The following CKB variants were observed in gnomAD, a reference collection of about 807,000 sequenced individuals.
CKB encodes the protein creatine kinase B-type.
CKB carries 15 observed loss-of-function variants against 36.9 expected under a neutral mutation model. The observed-to-expected ratio is 0.41, with a 90% CI of 0.27 to 0.63. The LOEUF (loss-of-function observed/expected upper bound fraction) is 0.63. Ranked by LOEUF, CKB falls within the 20% of genes least tolerant of loss-of-function variation. The probability of loss-of-function intolerance (pLI) is 0.34; values close to 1 mark genes in which losing one functional copy is unlikely to be tolerated. For missense variants in CKB, 413 were observed against 534.9 expected (o/e 0.77, Z 2.25); for synonymous variants, 250 against 228.2 (o/e 1.10, Z -0.86).
At chr14:103,521,659 C>T in intron 4 of CKB, 159 bp downstream of exon 4, 1 of 1,018,984 alleles carries the variant, frequency 9.8e-7, no homozygotes, top group Non-Finnish European at 1.3e-6. Flanking sequence ...CGGGGCTGGG[C>T]CTCCGTCCCT....
intron 4 of CKB, 62 bp from the exon 5 acceptor site, chr14:103,521,496 ACCCG>A: frequency 7.2e-7 from 1 of 1,380,184 alleles, no homozygotes; most frequent in South Asian, 1.6e-5. Context: ...CGCAGCGCGG[ACCCG>A]CCCGCCCCCG....
chr14:103,521,423 G>A lies in CKB; in HGVS notation c.493C>T (p.Leu165=). 1 of 1,597,324 alleles carries A rather than the reference G, an allele frequency of 6.3e-7. No homozygotes were observed. Among genetic ancestry groups the A allele is most frequent in the Non-Finnish European group, 8.5e-7 (1 of 1,177,578 alleles). Residue 165 remains leucine (L), a synonymous_variant, in exon 5 of 8, where the codon CTG becomes TTG. Coordinates refer to ENST00000348956, the MANE Select transcript of CKB (RefSeq NM_001823.5). Reference sequence around the variant, plus strand: ...TATCGGCCCGCCAGGTCGCCGTCCAGGCTGGACAGGGCTGCGAGGGGTGCG... The same window carrying A: ...TATCGGCCCGCCAGGTCGCCGTCCAAGCTGGACAGGGCTGCGAGGGGTGCG... The part of the protein sequence containing the change: ...EKLAVEALSS[L]DGDLAGRYYA...
At chr14:103,520,796 T>G (rs2075894647) in intron 5 of CKB, 2 of 719,050 alleles carry the variant, frequency 2.8e-6, no homozygotes, top group Non-Finnish European at 4.4e-6. Context: ...CATCATGCGC[T>G]GTGGCCTGAG....
In CKB at chr14:103,520,005, G is replaced by A. The variant is rs370125635; in HGVS notation, c.1005C>T (p.Asp335=). 7.5e-5 allele frequency: 120 copies of A among 1,610,600 alleles called. No individual in the cohort carries two copies. The highest frequency in any genetic ancestry group is 9.5e-5 in the Non-Finnish European group (112 of 1,179,950). ...AGCCCAGGCGGTCAGCGTTGGAGAC[G>A]TCGAAGACCCCGCCCACCGCAGCCG... ...VDTAAVGGVF[D]VSNADRLGFS... The change falls in exon 8 of 8, where the codon GAC becomes GAT. Residue 335 remains aspartate (D), a synonymous_variant. Transcript: ENST00000348956.
chr14:103,521,521 CG>C lies in CKB; in HGVS notation c.482-88del. On this transcript the variant is annotated intron_variant, in intron 4 of 7. Coordinates refer to ENST00000348956, the MANE Select transcript of CKB (RefSeq NM_001823.5). ...ACCCGCCCGCCCCCGTGCCCCACCT[CG>C]GGGGACGTCAGAGGGCCCCACCCGC... The C allele has an allele frequency of 3.9e-6, 5 of 1,268,680 alleles. No homozygotes were observed. The South Asian group carries it at 8.4e-5, about 21-fold the overall frequency. 78.6% of individuals were successfully genotyped at this position (1,268,680 alleles called of 1,614,324 possible). A position where few individuals can be genotyped will look rare whatever the true frequency, so the allele number is the denominator to read the frequency against.
At chr14:103,520,619 A>G (rs766252400) in intron 5 of CKB, 27 bp from the exon 6 acceptor site, 4 of 1,601,838 alleles carry the variant, frequency 2.5e-6, no homozygotes, top group Non-Finnish European at 3.4e-6. Flanking sequence ...CTCAGGGCAT[A>G]CCCAGAAAAA....
Position 103,520,607 on chromosome 14 carries a change from G to GTCTC in CKB, c.654-19_654-16dup. ...TGTCATTGTGCCTGCGGGAGGGCTGGTCTCAGGGCATACCCAGAAAAAAGC... is the reference window on the plus strand; with the variant it reads ...TGTCATTGTGCCTGCGGGAGGGCTGGTCTCTCTCAGGGCATACCCAGAAAAAAGC... On this transcript the variant is annotated splice_polypyrimidine_tract_variant and intron_variant, in intron 5 of 7. Transcript: ENST00000348956. 1 of 1,608,540 alleles carries GTCTC rather than the reference G, an allele frequency of 6.2e-7. No homozygotes were observed. Among genetic ancestry groups the GTCTC allele is most frequent in the Non-Finnish European group, 8.5e-7 (1 of 1,177,658 alleles).
chr14:103,521,289 G>A lies in CKB; in HGVS notation c.627C>T (p.Arg209=). 1.9e-6 allele frequency: 3 copies of A among 1,601,712 alleles called. No homozygotes were observed. The highest frequency in any genetic ancestry group is 8.5e-7 in the Non-Finnish European group (1 of 1,177,024). The change falls in exon 5 of 8, where the codon CGC becomes CGT. Residue 209 remains arginine (R), a synonymous_variant. Coordinates refer to ENST00000348956, the MANE Select transcript of CKB (RefSeq NM_001823.5). ...SPLLLASGMA[R]DWPDARGIWH... is the part of the protein sequence containing the mutation. ...AGATACCGCGGGCGTCGGGCCAGTC[G>A]CGGGCCATGCCCGAGGCCAGCAGCA...
chr14:103,520,582 T>C lies in CKB; in HGVS notation c.664A>G (p.Asn222Asp). The change falls in exon 6 of 8, where the codon AAT becomes GAT. Residue 222 changes from asparagine (N) to aspartate (D), a missense_variant. Physicochemically the swap from Asn to Asp is conservative, Grantham distance 23. Coordinates refer to ENST00000348956, the MANE Select transcript of CKB (RefSeq NM_001823.5). ...PDARGIWHND[N>D]KTFLVWVNEE... ...TTGACCCACACCAGGAAGGTCTTAT[T>C]GTCATTGTGCCTGCGGGAGGGCTGG... 6.2e-7 allele frequency: 1 copy of C among 1,612,680 alleles called. No individual in the cohort carries two copies. Among genetic ancestry groups the C allele is most frequent in the Non-Finnish European group, 8.5e-7 (1 of 1,179,618 alleles).
intron 4 of CKB, 143 bp from the exon 5 acceptor site, chr14:103,521,577 C>T (rs1481697962): frequency 1.1e-5 from 11 of 968,638 alleles, no homozygotes; most frequent in Non-Finnish European, 1.5e-5. Flanking sequence ...GTCCTCACGG[C>T]CCGGGCGACG....
At position 103,522,175 on chromosome 14, in the gene CKB, G is replaced by T; in HGVS notation, c.196C>A (p.His66Asn). The change falls in exon 3 of 8, where the codon CAC (histidine) becomes AAC (asparagine). Residue 66 changes from histidine to asparagine, a missense_variant and splice_region_variant. Transcript: ENST00000348956. This position sits in a 1 kb window ranked among gnomAD's most constrained non-coding sequence, Gnocchi z 6.7. ...VIQTGVDNPG[H>N]PYIMTVGCVA... The stretch of plus-strand genomic sequence containing the variant: ...CAGCCCACGGTCATGATGTACGGGT[G>T]GCCTGGGGGAGGGGGCGCGGGACGG... The T allele has an allele frequency of 6.2e-7, 1 of 1,603,750 alleles. No homozygotes were observed. Among genetic ancestry groups the T allele is most frequent in the Non-Finnish European group, 8.5e-7 (1 of 1,175,876 alleles).
intron 4 of CKB, 112 bp downstream of exon 4, chr14:103,521,706 A>G (rs2075902440): frequency 8.3e-7 from 1 of 1,206,720 alleles, no homozygotes; most frequent in Non-Finnish European, 1.1e-6. Flanking sequence ...GCGCGCGCAG[A>G]TAAGAGCGCG....
chr14:103,521,177 G>A (rs1352019308), intron 5 of CKB, 86 bp downstream of exon 5: 78 of 1,478,854 alleles, frequency 5.3e-5, no homozygotes, highest in Non-Finnish European at 6.1e-5. Flanking sequence ...CGCCGCGAGG[G>A]GCCCCACCCC....
chr14:103,522,431 G>A lies in CKB; in HGVS notation c.63C>T (p.Pro21=). The change falls in exon 2 of 8, where the codon CCC becomes CCT. Residue 21 remains proline (P), a synonymous_variant. Coordinates refer to ENST00000348956, the MANE Select transcript of CKB (RefSeq NM_001823.5). The surrounding 1 kb of genome is among the most constrained non-coding windows in gnomAD (Gnocchi z 6.7). ...TGTGGTTGTTGTGGGCGCTCAGGTC[G>A]GGGAACTCGTCCTCGGCCGGGAAGC... ...KLRFPAEDEF[P]DLSAHNNHMA... The A allele has an allele frequency of 6.2e-7, 1 of 1,610,444 alleles. No individual in the cohort carries two copies. Among genetic ancestry groups the A allele is most frequent in the Middle Eastern group, 1.7e-4 (1 of 6,048 alleles).
chr14:103,520,993 C>T, intron 5 of CKB: 2 of 596,898 alleles, frequency 3.4e-6, no homozygotes, highest in Non-Finnish European at 3.0e-6. Context: ...GAGAGCCCCG[C>T]CCCCACCTCA....
Position 103,520,110 on chromosome 14 carries a change from T to C in CKB, c.967+12A>G. The C allele has an allele frequency of 6.2e-7, 1 of 1,603,110 alleles. No homozygotes were observed. Among genetic ancestry groups the C allele is most frequent in the Non-Finnish European group, 8.5e-7 (1 of 1,174,162 alleles). ...AAAGGCCACGGGAAGCCGCAGCACCTGCCCTGCTCACCTGTGCCTCGCTTC... is the reference window on the plus strand; with the variant it reads ...AAAGGCCACGGGAAGCCGCAGCACCCGCCCTGCTCACCTGTGCCTCGCTTC... On this transcript the variant is annotated intron_variant, in intron 7 of 7. Transcript: ENST00000348956.
chr14:103,519,859 G>A lies in CKB; in HGVS notation c.*5C>T, dbSNP rs752043632. ...GCAGGGCTGGTGTCGGGTGTGGGCC[G>A]GGCTTCATTTCTGGGCAGGCATGAG... On this transcript the variant is annotated 3_prime_UTR_variant, in exon 8 of 8. Coordinates refer to ENST00000348956, the MANE Select transcript of CKB (RefSeq NM_001823.5). 1.9e-6 allele frequency: 3 copies of A among 1,597,472 alleles called. No individual in the cohort carries two copies. The South Asian group carries it at 3.3e-5, about 18-fold the overall frequency.
chr14:103,522,748 G>T lies in CKB; in HGVS notation c.-13+18C>A, dbSNP rs1215164158. 6.7e-6 allele frequency: 1 copy of T among 149,852 alleles called. No homozygotes were observed. The highest frequency in any genetic ancestry group is 2.4e-5 in the African/African-American group (1 of 41,060). 9.3% of individuals were successfully genotyped at this position (149,852 alleles called of 1,614,324 possible). A position where few individuals can be genotyped will look rare whatever the true frequency, so the allele number is the denominator to read the frequency against. On this transcript the variant is annotated intron_variant, in intron 1 of 7. Coordinates refer to ENST00000348956, the MANE Select transcript of CKB (RefSeq NM_001823.5). The surrounding 1 kb of genome is among the most constrained non-coding windows in gnomAD (Gnocchi z 6.7). ...CCTAGCCCGGGCGCGGACGCCCCCGGCCCCCGGGCCCACTCACCGGGCGGC... is the reference window on the plus strand; with the variant it reads ...CCTAGCCCGGGCGCGGACGCCCCCGTCCCCCGGGCCCACTCACCGGGCGGC...
chr14:103,519,969 C>A lies in CKB; in HGVS notation c.1041G>T (p.Val347=). Residue 347 remains valine (V), a synonymous_variant, in exon 8 of 8, where the codon GTG becomes GTT. Coordinates refer to ENST00000348956, the MANE Select transcript of CKB (RefSeq NM_001823.5). ...SNADRLGFSE[V]ELVQMVVDGV... is the part of the protein sequence containing the mutation. ...CGTCCACCACCATCTGCACCAGCTCCACCTCTGAGAAGCCCAGGCGGTCAG... is the reference window on the plus strand; with the variant it reads ...CGTCCACCACCATCTGCACCAGCTCAACCTCTGAGAAGCCCAGGCGGTCAG... 1.2e-6 allele frequency: 2 copies of A among 1,611,214 alleles called. No homozygotes were observed. The highest frequency in any genetic ancestry group is 1.7e-5 in the Admixed American group (1 of 60,024).
Sources: gnomAD v4.1 joint callset for allele counts on GRCh38, gnomAD v4.1.1 for gene constraint, Gnocchi (gnomAD v3.1) non-coding constraint, MANE v1.5 for transcripts, NCBI Gene and HGNC (gene_info 2026-07-23, HGNC 2026-07-21) for gene names.